Variants in ARNT2 observed in about 807,000 individuals in gnomAD.
The protein encoded by ARNT2 is ARNT protein 2.
In ARNT2, 36 loss-of-function variants were observed where a neutral mutation model predicts 91.7. The observed-to-expected ratio is 0.39, with a 90% CI of 0.30 to 0.52. The LOEUF is 0.52. Among genes scored for constraint, ARNT2 ranks in the 20% least tolerant of loss-of-function variants. The probability of loss-of-function intolerance (pLI) is 0.72; values close to 1 mark genes in which losing one functional copy is unlikely to be tolerated. For synonymous variants in ARNT2, 365 were observed against 347.1 expected (o/e 1.05, Z -0.57); for missense variants, 775 against 939.3 (o/e 0.83, Z 2.29).
At chr15:80,561,541 T>A (rs1024702134) in intron 11 of ARNT2, among the ~76,000 whole-genome samples, 1 of 152,210 alleles carries the variant, frequency 6.6e-6, no homozygotes, top group African/African-American at 2.4e-5. Flanking sequence ...GTCCCCCTTA[T>A]CTGCCGTGTT....
At chr15:80,507,028 G>A (rs1208426041) in intron 5 of ARNT2, among the ~76,000 whole-genome samples, 1 of 152,228 alleles carries the variant, frequency 6.6e-6, no homozygotes, top group Non-Finnish European at 1.5e-5. Flanking sequence ...AGTGGGTACA[G>A]TGGGCTGGAC....
chr15:80,557,104 C>T (rs1167023814), intron 11 of ARNT2, among the ~76,000 whole-genome samples: 25 of 152,128 alleles, frequency 1.6e-4, no homozygotes, highest in Non-Finnish European at 7.4e-5. Context: ...CTATTGAAGG[C>T]GTTGCTATGT....
At chr15:80,520,478 A>G (rs942835496) in intron 8 of ARNT2, among the ~76,000 whole-genome samples, 1 of 152,226 alleles carries the variant, frequency 6.6e-6, no homozygotes, top group Non-Finnish European at 1.5e-5. Flanking sequence ...TTTGCTGTAC[A>G]ATATAGTGCT....
chr15:80,433,542 C>A (rs1194239740), intron 1 of ARNT2, among the ~76,000 whole-genome samples: 1 of 152,020 alleles, frequency 6.6e-6, no homozygotes, highest in African/African-American at 2.4e-5. Context: ...CACCACCTCC[C>A]CCCGCCTCGG....
rs537454765 is a variant in ARNT2, at chr15:80,441,287, GT to G, written c.32-9590del. On this transcript the variant is annotated intron_variant, in intron 1 of 18. Transcript: ENST00000303329. ...AATGCAGCTACATTTCCTCCCAGAGGTTTCTGACATTTCTTCTACACGGATA... is the reference window on the plus strand; with the variant it reads ...AATGCAGCTACATTTCCTCCCAGAGGTTCTGACATTTCTTCTACACGGATA... 32 of 985,114 alleles carry G rather than the reference GT, an allele frequency of 3.2e-5. No homozygotes were observed. The East Asian group carries it at 3.4e-3, about 105-fold the overall frequency. The allele number at this position is 985,114 out of a possible 1,614,324, so 61.0% of individuals were successfully genotyped here. A position where few individuals can be genotyped will look rare whatever the true frequency, so the allele number is the denominator to read the frequency against.
chr15:80,448,836 T>C (rs1896343691), intron 1 of ARNT2, among the ~76,000 whole-genome samples: 1 of 152,010 alleles, frequency 6.6e-6, no homozygotes, highest in African/African-American at 2.4e-5. Context: ...ACAAAAAAAA[T>C]TAGCCGGGCA....
chr15:80,462,501 T>C (rs954336331), intron 3 of ARNT2, among the ~76,000 whole-genome samples: 1 of 152,232 alleles, frequency 6.6e-6, no homozygotes, highest in Non-Finnish European at 1.5e-5. Context: ...CTTTAATTCT[T>C]GCCACTGTGT....
chr15:80,526,059 TAC>T (rs563282578), intron 8 of ARNT2, among the ~76,000 whole-genome samples: 44 of 152,352 alleles, frequency 2.9e-4, no homozygotes, highest in African/African-American at 1.0e-3. Context: ...GGGTTAGTTG[TAC>T]ACTCGTTGTT....
At position 80,595,130 on chromosome 15, in the gene ARNT2, T is replaced by A. The variant is rs1455680464; in HGVS notation, c.*1432T>A. 2 of 152,304 alleles carry A rather than the reference T, an allele frequency of 1.3e-5. No homozygotes were observed. The highest frequency in any genetic ancestry group is 4.8e-5 in the African/African-American group (2 of 41,438). The allele number at this position is 152,304 out of a possible 1,614,324, so 9.4% of individuals were successfully genotyped here. The stretch of plus-strand genomic sequence containing the variant: ...GACCTCTGCCTTCTCCCACACCCCT[T>A]ACACTAGTGAGGACTCCTTCGGCCT... On this transcript the variant is annotated 3_prime_UTR_variant, in exon 19 of 19. Transcript: ENST00000303329.
At position 80,548,885 on chromosome 15, in the gene ARNT2, A is replaced by G. The variant is rs111592245; in HGVS notation, c.878-2314A>G. Among the ~76,000 whole-genome samples, 520 of 152,266 alleles carry G rather than the reference A, an allele frequency of 3.4e-3. 2 individuals carry two copies. Among genetic ancestry groups the G allele is most frequent in the African/African-American group, 0.012 (486 of 41,574 alleles). On this transcript the variant is annotated intron_variant, in intron 8 of 18. Coordinates refer to ENST00000303329, the MANE Select transcript of ARNT2 (RefSeq NM_014862.4). ...ATCCTAATAAAAATATTATCAAGCT[A>G]TTTTATGGAGTCAGATAAGTTGGTA...
intron 1 of ARNT2, among the ~76,000 whole-genome samples, chr15:80,446,021 T>C (rs752957306): frequency 6.6e-6 from 1 of 152,170 alleles, no homozygotes; most frequent in Non-Finnish European, 1.5e-5. Flanking sequence ...TGTATTTTTA[T>C]TGAACACTTA....
intron 17 of ARNT2, among the ~76,000 whole-genome samples, chr15:80,583,186 G>T (rs112587874): frequency 6.6e-6 from 1 of 152,238 alleles, no homozygotes; most frequent in Non-Finnish European, 1.5e-5. Context: ...CATGGTCTGC[G>T]TGGGGGCCCT....
intron 3 of ARNT2, 84 bp from the exon 4 acceptor site, chr15:80,470,134 A>T: frequency 1.5e-6 from 2 of 1,362,512 alleles, no homozygotes; most frequent in Non-Finnish European, 1.0e-6. Context: ...ATTTGGTGTT[A>T]ATGGTTTTAT....
At chr15:80,592,873 T>C (rs909105469) in intron 18 of ARNT2, among the ~76,000 whole-genome samples, 4 of 152,188 alleles carry the variant, frequency 2.6e-5, no homozygotes, top group Non-Finnish European at 4.4e-5. Context: ...TTAAACAAAG[T>C]TATTGAGTTT....
chr15:80,492,185 C>T (rs569502682), intron 5 of ARNT2, among the ~76,000 whole-genome samples: 2 of 152,254 alleles, frequency 1.3e-5, no homozygotes, highest in African/African-American at 4.8e-5. Flanking sequence ...GGACTACAGC[C>T]ATGCGCCACC....
intron 12 of ARNT2, among the ~76,000 whole-genome samples, chr15:80,571,480 A>G (rs994436394): frequency 1.3e-5 from 2 of 152,150 alleles, no homozygotes; most frequent in African/African-American, 4.8e-5. Context: ...CAGTTGGTGC[A>G]CCCTCTGCCT....
rs1893285570 is a variant in ARNT2 at position 80,591,827 on chromosome 15, G to A, written c.2055+123G>A. ...CGTCGTGAGTTCTGGCCCAGCCTGG[G>A]CTCGAGGGAGTCCAGGAGTAGAAAG... On this transcript the variant is annotated intron_variant, in intron 18 of 18. Transcript: ENST00000303329. The surrounding 1 kb of genome is among the most constrained non-coding windows in gnomAD (Gnocchi z 5.1). 1.4e-6 allele frequency: 2 copies of A among 1,459,014 alleles called. No homozygotes were observed. The highest frequency in any genetic ancestry group is 1.8e-6 in the Non-Finnish European group (2 of 1,087,044). 90.4% of individuals were successfully genotyped at this position (1,459,014 alleles called of 1,614,324 possible). A position where few individuals can be genotyped will look rare whatever the true frequency, so the allele number is the denominator to read the frequency against.
chr15:80,543,783 C>A (rs1181530914), intron 8 of ARNT2, among the ~76,000 whole-genome samples: 1 of 152,166 alleles, frequency 6.6e-6, no homozygotes. Flanking sequence ...AGCAGAGTCT[C>A]ACTTTGTTGT....
At chr15:80,523,440 G>A (rs1897585914) in intron 8 of ARNT2, among the ~76,000 whole-genome samples, 2 of 152,176 alleles carry the variant, frequency 1.3e-5, no homozygotes, top group Admixed American at 1.3e-4. Flanking sequence ...TCCCTAACCT[G>A]CCTGGGGTTA....
Sources: gnomAD v4.1 joint callset for allele counts (sites outside exome capture counted in the v4.1 genomes callset) on GRCh38, gnomAD v4.1.1 for gene constraint, Gnocchi (gnomAD v3.1) non-coding constraint, MANE v1.5 for transcripts, NCBI Gene and HGNC (gene_info 2026-07-23, HGNC 2026-07-21) for gene names.